The following VEPH1 variants were observed in gnomAD, a reference collection of about 807,000 sequenced individuals.
VEPH1 encodes ventricular zone expressed PH domain containing 1.
A neutral mutation model predicts 85.2 loss-of-function variants in VEPH1; 80 were observed. The ratio of observed to expected loss-of-function variants is 0.94; its 90% CI spans 0.78 to 1.13. VEPH1 has a LOEUF of 1.13. Ranked by LOEUF, VEPH1 falls within the 50% of genes most tolerant of loss-of-function variation. The pLI is 0.00. For missense variants in VEPH1, 955 were observed against 980.5 expected, an observed-to-expected ratio of 0.97 and a Z score of 0.35; for synonymous variants, 297 against 348.0, an observed-to-expected ratio of 0.85 and a Z score of 1.63.
At chr3:157,453,398 A>T (rs1027815717) in intron 4 of VEPH1, among the ~76,000 whole-genome samples, 1 of 152,206 alleles carries the variant, frequency 6.6e-6, no homozygotes. Flanking sequence ...GGATAATAAT[A>T]GGACTTCTTT....
At chr3:157,335,191 C>CA (rs1320931790) in intron 9 of VEPH1, among the ~76,000 whole-genome samples, 1 of 150,992 alleles carries the variant, frequency 6.6e-6, no homozygotes, top group Non-Finnish European at 1.5e-5. Flanking sequence ...TTGACATTCT[C>CA]AAATACAGTA....
At chr3:157,279,500 A>C (rs909171053) in intron 12 of VEPH1, among the ~76,000 whole-genome samples, 1 of 152,026 alleles carries the variant, frequency 6.6e-6, no homozygotes, top group Non-Finnish European at 1.5e-5. Flanking sequence ...TTTAAAGGGG[A>C]AGTGAGAGAT....
chr3:157,315,599 C>G (rs1272958073), intron 10 of VEPH1, among the ~76,000 whole-genome samples: 1 of 151,794 alleles, frequency 6.6e-6, no homozygotes, highest in South Asian at 2.1e-4. Context: ...TTTATTTACC[C>G]GAAAGCCAGA....
intron 6 of VEPH1, among the ~76,000 whole-genome samples, chr3:157,412,240 C>A (rs187360337): frequency 7.7e-4 from 117 of 152,266 alleles, no homozygotes; most frequent in Admixed American, 7.0e-3. Flanking sequence ...CAGGTATTTC[C>A]TTATAACAGT....
intron 2 of VEPH1, among the ~76,000 whole-genome samples, chr3:157,479,783 T>C (rs755748279): frequency 6.6e-6 from 1 of 152,206 alleles, no homozygotes; most frequent in Non-Finnish European, 1.5e-5. Flanking sequence ...AGTTAGAATA[T>C]TGTTACTATC....
intron 9 of VEPH1, among the ~76,000 whole-genome samples, chr3:157,350,409 C>T (rs969131518): frequency 3.3e-5 from 5 of 152,052 alleles, no homozygotes; most frequent in African/African-American, 1.2e-4. Flanking sequence ...GGAAACTATA[C>T]AACTACTAGA....
intron 7 of VEPH1, among the ~76,000 whole-genome samples, chr3:157,367,906 A>G (rs1010059393): frequency 4.6e-5 from 7 of 152,324 alleles, no homozygotes; most frequent in Admixed American, 1.3e-4. Context: ...TCTGGCTTAT[A>G]TCAGTTACAA....
chr3:157,449,090 T>G (rs1401716805), intron 4 of VEPH1, among the ~76,000 whole-genome samples: 1 of 152,332 alleles, frequency 6.6e-6, no homozygotes, highest in African/African-American at 2.4e-5. Context: ...CCAATAAACA[T>G]CTTTCTTTTG....
intron 2 of VEPH1, 97 bp from the exon 3 acceptor site, chr3:157,470,626 C>G: frequency 8.4e-7 from 1 of 1,188,172 alleles, no homozygotes; most frequent in Non-Finnish European, 1.2e-6. Flanking sequence ...ATGGGTGCAC[C>G]AGGCTGTGTG....
At chr3:157,374,143 C>T (rs150727174) in intron 7 of VEPH1, among the ~76,000 whole-genome samples, 57 of 152,294 alleles carry the variant, frequency 3.7e-4, no homozygotes, top group Non-Finnish European at 6.2e-4. Context: ...AGTAAGAAGA[C>T]GGGCCCAAAA....
Position 157,435,284 on chromosome 3 carries a change from T to C in VEPH1, c.530-6796A>G, listed in dbSNP as rs77863467. ...GTGTCTAATCCTTTTTGGTTTCTGC[T>C]GATTCTCATTTATAGTGGTTTGCTT... On this transcript the variant is annotated intron_variant, in intron 4 of 13. Transcript: ENST00000362010. Among the ~76,000 whole-genome samples, 1,148 of 152,364 alleles carry C rather than the reference T, an allele frequency of 7.5e-3. 19 individuals carry two copies. Among genetic ancestry groups the C allele is most frequent in the African/African-American group, 0.026 (1,094 of 41,590 alleles).
At chr3:157,485,137 A>G (rs552703796) in intron 2 of VEPH1, among the ~76,000 whole-genome samples, 3 of 152,330 alleles carry the variant, frequency 2.0e-5, no homozygotes, top group South Asian at 2.1e-4. Flanking sequence ...CTTATATACC[A>G]TGATGCTATT....
intron 12 of VEPH1, among the ~76,000 whole-genome samples, chr3:157,282,435 G>A (rs1716253887): frequency 6.6e-6 from 1 of 152,184 alleles, no homozygotes; most frequent in Non-Finnish European, 1.5e-5. Flanking sequence ...ATGATAGAAA[G>A]TTGTTTGAAA....
intron 2 of VEPH1, among the ~76,000 whole-genome samples, chr3:157,478,217 G>T (rs559128575): frequency 2.2e-4 from 34 of 152,278 alleles, no homozygotes; most frequent in African/African-American, 7.9e-4. Flanking sequence ...GTCGTAGGAT[G>T]ACTCTGAAGG....
At chr3:157,280,939 G>C (rs1716018053) in intron 12 of VEPH1, among the ~76,000 whole-genome samples, 1 of 152,302 alleles carries the variant, frequency 6.6e-6, no homozygotes, top group South Asian at 2.1e-4. Flanking sequence ...ATAATCCATG[G>C]TTCTTCTTGT....
intron 12 of VEPH1, among the ~76,000 whole-genome samples, chr3:157,276,443 A>G (rs1715398258): frequency 6.6e-6 from 1 of 152,254 alleles, no homozygotes; most frequent in South Asian, 2.1e-4. Context: ...GAAGCCTTGC[A>G]TGTTAAACAA....
chr3:157,378,022 C>G (rs1728321831), intron 7 of VEPH1, among the ~76,000 whole-genome samples: 1 of 152,008 alleles, frequency 6.6e-6, no homozygotes, highest in Non-Finnish European at 1.5e-5. Flanking sequence ...CTGGCCAGGA[C>G]ATGGGCCAAA....
chr3:157,300,568 G>A (rs567616687), intron 11 of VEPH1, among the ~76,000 whole-genome samples: 1 of 152,296 alleles, frequency 6.6e-6, no homozygotes, highest in African/African-American at 2.4e-5. Flanking sequence ...AGTGTATGTG[G>A]ACAGTGGTTA....
At chr3:157,274,651 T>C (rs999468450) in intron 12 of VEPH1, among the ~76,000 whole-genome samples, 6 of 152,078 alleles carry the variant, frequency 3.9e-5, no homozygotes, top group Non-Finnish European at 7.4e-5. Flanking sequence ...GTGCATGCCA[T>C]CACACCTGGA....
Sources: allele counts gnomAD v4.1 joint callset (sites outside exome capture counted in the v4.1 genomes callset), GRCh38; gene constraint gnomAD v4.1.1; transcripts MANE v1.5; gene names NCBI Gene and HGNC (gene_info 2026-07-23, HGNC 2026-07-21).